Variants in NCAPG2 observed in about 807,000 individuals in gnomAD.
NCAPG2 encodes condensin-2 complex subunit G2.
In NCAPG2, 53 loss-of-function variants were observed where a neutral mutation model predicts 141.1. That is an observed-to-expected ratio of 0.38 (90% CI 0.30 to 0.47). The LOEUF (loss-of-function observed/expected upper bound fraction) is 0.47. NCAPG2 is among the 20% of genes least tolerant of loss of function. The probability of loss-of-function intolerance (pLI) is 0.99; values close to 1 mark genes in which losing one functional copy is unlikely to be tolerated. For missense variants in NCAPG2, 1,087 were observed against 1,389.0 expected, an observed-to-expected ratio of 0.78 and a Z score of 3.46; for synonymous variants, 499 against 490.7, an observed-to-expected ratio of 1.02 and a Z score of -0.22.
intron 2 of NCAPG2, chr7:158,696,101 G>C (rs1019249492): frequency 2.0e-5 from 3 of 152,292 alleles, no homozygotes; most frequent in African/African-American, 4.8e-5. Flanking sequence ...CAATTTTACT[G>C]TATCTCATGA....
chr7:158,646,994 C>T (rs1461940250), intron 24 of NCAPG2, among the ~76,000 whole-genome samples: 1 of 150,204 alleles, frequency 6.7e-6, no homozygotes, highest in Non-Finnish European at 1.5e-5. Flanking sequence ...CATGGCACTC[C>T]AGCCTGGGTG....
chr7:158,636,390 ATTTC>A (rs1007768731), intron 27 of NCAPG2, among the ~76,000 whole-genome samples: 2 of 148,074 alleles, frequency 1.4e-5, no homozygotes, highest in African/African-American at 2.5e-5. Context: ...TGGCAACATT[ATTTC>A]TTTTTTTCTT....
chr7:158,701,778 A>G, intron 2 of NCAPG2, 44 bp downstream of exon 2: 1 of 1,502,554 alleles, frequency 6.7e-7, no homozygotes, highest in Non-Finnish European at 9.3e-7. Context: ...CATATTTCAT[A>G]TTCACAGTCA....
Position 158,666,814 on chromosome 7 carries a change from G to A in NCAPG2, c.1480-2064C>T, listed in dbSNP as rs144729521. On this transcript the variant is annotated intron_variant, in intron 13 of 27. Coordinates refer to ENST00000356309, the MANE Select transcript of NCAPG2 (RefSeq NM_017760.7). ...GAAGACAATGCATTGAAGGGAGAGG[G>A]TTGACATCTCCTGGCCCACTGGGCT... Among the ~76,000 whole-genome samples, 17 of 152,142 alleles carry A rather than the reference G, an allele frequency of 1.1e-4. No individual in the cohort carries two copies. The East Asian group carries it at 2.9e-3, about 26-fold the overall frequency.
intron 9 of NCAPG2, among the ~76,000 whole-genome samples, chr7:158,683,017 G>A (rs1426482021): frequency 2.0e-5 from 3 of 152,118 alleles, no homozygotes; most frequent in Non-Finnish European, 1.5e-5. Flanking sequence ...TGAAAAAAAT[G>A]ATAGTGGCCA....
chr7:158,642,227 G>A (rs757819196), intron 27 of NCAPG2, among the ~76,000 whole-genome samples: 65 of 152,176 alleles, frequency 4.3e-4, no homozygotes, highest in Non-Finnish European at 1.5e-4. Flanking sequence ...TTTGTGAGAT[G>A]CATAAAAGGG....
chr7:158,678,429 G>GA (rs1834233805), intron 11 of NCAPG2, among the ~76,000 whole-genome samples: 1 of 152,064 alleles, frequency 6.6e-6, no homozygotes, highest in African/African-American at 2.4e-5. Context: ...TTAATGGTTG[G>GA]AAAAAATGAA....
intron 27 of NCAPG2, among the ~76,000 whole-genome samples, chr7:158,638,463 C>A (rs528334430): frequency 3.3e-5 from 5 of 152,036 alleles, no homozygotes; most frequent in Admixed American, 3.3e-4. Context: ...TGGTCTTGAA[C>A]CCCTGAGCTC....
At chr7:158,683,664 C>T (rs1260893339) in intron 8 of NCAPG2, among the ~76,000 whole-genome samples, 1 of 152,166 alleles carries the variant, frequency 6.6e-6, no homozygotes, top group Admixed American at 6.5e-5. Context: ...ACCTACCACT[C>T]AAGGCTAGTT....
chr7:158,655,332 G>C lies in NCAPG2; in HGVS notation c.2505+7C>G. The C allele has an allele frequency of 6.2e-7, 1 of 1,614,182 alleles. No homozygotes were observed. Among genetic ancestry groups the C allele is most frequent in the South Asian group, 1.1e-5 (1 of 91,090 alleles). On this transcript the variant is annotated splice_region_variant and intron_variant, in intron 20 of 27. Coordinates refer to ENST00000356309, the MANE Select transcript of NCAPG2 (RefSeq NM_017760.7). ...TCATCCTAATAGAGGGCCAGGAGCA[G>C]GCACACCTTGTGCTGAAGATGGATG...
chr7:158,644,855 C>T (rs1327267684), intron 26 of NCAPG2, among the ~76,000 whole-genome samples: 1 of 152,172 alleles, frequency 6.6e-6, no homozygotes, highest in Non-Finnish European at 1.5e-5. Context: ...TATCAATCTG[C>T]AGATATCCTA....
chr7:158,667,434 C>A (rs1563539055), intron 13 of NCAPG2, among the ~76,000 whole-genome samples: 24 of 104,826 alleles, frequency 2.3e-4, no homozygotes, highest in Middle Eastern at 5.3e-3. Flanking sequence ...TCCCTCCGCC[C>A]TCCTTACCCA....
intron 17 of NCAPG2, among the ~76,000 whole-genome samples, chr7:158,657,831 TCC>T (rs1262209774): frequency 6.6e-6 from 1 of 152,058 alleles, no homozygotes; most frequent in Non-Finnish European, 1.5e-5. Context: ...TGCCTTGGGA[TCC>T]TGTTGATCTG....
intron 21 of NCAPG2, 122 bp from the exon 22 acceptor site, chr7:158,654,816 G>A: frequency 2.8e-6 from 4 of 1,412,112 alleles, no homozygotes; most frequent in Non-Finnish European, 3.7e-6. Context: ...TTATAAAGAT[G>A]TTTTATAAAG....
At chr7:158,656,031 G>A (rs1831947739) in intron 19 of NCAPG2, among the ~76,000 whole-genome samples, 2 of 152,286 alleles carry the variant, frequency 1.3e-5, no homozygotes, top group African/African-American at 4.8e-5. Context: ...GCCCTAGCAG[G>A]TGCAACACAA....
chr7:158,700,881 G>T (rs1322638882), intron 2 of NCAPG2, among the ~76,000 whole-genome samples: 1 of 152,194 alleles, frequency 6.6e-6, no homozygotes, highest in Admixed American at 6.5e-5. Context: ...CTTCCTCAGA[G>T]ATGTGTCCTA....
chr7:158,644,347 C>A lies in NCAPG2; in HGVS notation c.3322G>T (p.Val1108Phe), dbSNP rs769801568. ...ATGAATGTCTTTAGTTTTCTGTGAA[C>A]AGTGGCTGCAACCTCCCTCACTTTT... is the stretch of plus-strand genomic sequence containing the variant. The part of the protein sequence containing the change: ...SSKVREVAAT[V>F]HRKLKTFMEI... Residue 1108 changes from valine to phenylalanine, a missense_variant, in exon 27 of 28, where the codon GTT becomes TTT. Transcript: ENST00000356309. The A allele has an allele frequency of 3.7e-6, 6 of 1,613,932 alleles. No individual in the cohort carries two copies. Among genetic ancestry groups the A allele is most frequent in the Non-Finnish European group, 4.2e-6 (5 of 1,179,948 alleles).
chr7:158,638,005 A>G (rs892663765), intron 27 of NCAPG2, among the ~76,000 whole-genome samples: 5 of 152,108 alleles, frequency 3.3e-5, no homozygotes, highest in Non-Finnish European at 7.4e-5. Context: ...TTAGCCGGGC[A>G]TGGTGGCGCA....
At chr7:158,631,910 C>T (rs1437295545) in intron 27 of NCAPG2, among the ~76,000 whole-genome samples, 193 bp from the exon 28 acceptor site, 1 of 152,166 alleles carries the variant, frequency 6.6e-6, no homozygotes, top group Non-Finnish European at 1.5e-5. Flanking sequence ...GCAGTCAGGA[C>T]ACATGGCACT....
Sources: allele counts gnomAD v4.1 joint callset (sites outside exome capture counted in the v4.1 genomes callset), GRCh38; gene constraint gnomAD v4.1.1; transcripts MANE v1.5; gene names NCBI Gene and HGNC (gene_info 2026-07-23, HGNC 2026-07-21).